The following ZFHX3 variants were observed in gnomAD, a reference collection of about 807,000 sequenced individuals.
ZFHX3 encodes the protein zinc finger homeobox 3, also known as zinc finger homeobox protein 3.
ZFHX3 carries 42 observed loss-of-function variants against 279.1 expected under a neutral mutation model. That is an observed-to-expected ratio of 0.15 (90% CI 0.12 to 0.19). The LOEUF (loss-of-function observed/expected upper bound fraction) is 0.19, where lower values mean the gene tolerates loss of function less well. ZFHX3 is among the 10% of genes least tolerant of loss of function. The pLI is 1.00. For synonymous variants in ZFHX3, 2,293 were observed against 1,957.8 expected (o/e 1.17, Z -4.52); for missense variants, 4,981 against 4,754.0 (o/e 1.05, Z -1.40).
At chr16:73,714,262 A>AT (rs950790853) in intron 1 of ZFHX3, among the ~76,000 whole-genome samples, 4 of 151,526 alleles carry the variant, frequency 2.6e-5, no homozygotes, top group Admixed American at 6.6e-5. Flanking sequence ...TAATAGGTCA[A>AT]TTTTTTTTTC....
At chr16:73,081,766 G>T (rs904143483) in intron 8 of ZFHX3, 6 of 151,300 alleles carry the variant, frequency 4.0e-5, no homozygotes, top group African/African-American at 1.5e-4. Context: ...CAGTGACGTT[G>T]TTCTGGATGT....
chr16:73,874,441 T>C (rs1597153693), intron 1 of ZFHX3, among the ~76,000 whole-genome samples: 1 of 152,138 alleles, frequency 6.6e-6, no homozygotes, highest in East Asian at 1.9e-4. Flanking sequence ...TCAGCACTAG[T>C]CATCATTTTT....
intron 2 of ZFHX3, among the ~76,000 whole-genome samples, chr16:73,535,347 C>A (rs773606709): frequency 1.3e-5 from 2 of 152,148 alleles, no homozygotes; most frequent in Non-Finnish European, 2.9e-5. Flanking sequence ...ACCTTCTCAT[C>A]AAAATTCTTA....
intron 1 of ZFHX3, among the ~76,000 whole-genome samples, chr16:73,726,144 T>C (rs916742833): frequency 2.0e-5 from 3 of 152,154 alleles, no homozygotes; most frequent in East Asian, 3.9e-4. Flanking sequence ...TCTTAACTTA[T>C]CCTTTGGGGT....
chr16:73,006,399 G>A (rs1963702605), intron 1 of ZFHX3, among the ~76,000 whole-genome samples: 1 of 152,066 alleles, frequency 6.6e-6, no homozygotes, highest in Non-Finnish European at 1.5e-5. Flanking sequence ...AACGCAGGAG[G>A]ATAACTTGAG....
chr16:73,022,266 C>A (rs185059121), intron 1 of ZFHX3, among the ~76,000 whole-genome samples: 1 of 152,290 alleles, frequency 6.6e-6, no homozygotes, highest in Non-Finnish European at 1.5e-5. Flanking sequence ...CCCAGGGAAG[C>A]CCCAAGGCTG....
chr16:72,963,707 CAT>C (rs1415857833), intron 1 of ZFHX3, among the ~76,000 whole-genome samples: 2 of 152,164 alleles, frequency 1.3e-5, no homozygotes, highest in Non-Finnish European at 2.9e-5. Context: ...TCTTTAAAAA[CAT>C]GTGCTGATGA....
chr16:73,089,225 T>G (rs921558916), intron 8 of ZFHX3, among the ~76,000 whole-genome samples: 6 of 152,196 alleles, frequency 3.9e-5, no homozygotes, highest in Admixed American at 6.5e-5. Context: ...TGCTTCAGCC[T>G]CCCGAGTAGC....
chr16:73,043,063 C>T (rs1196532950), intron 1 of ZFHX3, among the ~76,000 whole-genome samples: 2 of 151,962 alleles, frequency 1.3e-5, no homozygotes, highest in Non-Finnish European at 2.9e-5. Flanking sequence ...GGTGGGAGTG[C>T]GGCAGATGTT....
At chr16:73,163,592 G>A (rs1356608443) in intron 5 of ZFHX3, among the ~76,000 whole-genome samples, 1 of 152,212 alleles carries the variant, frequency 6.6e-6, no homozygotes, top group Non-Finnish European at 1.5e-5. Flanking sequence ...AAAGTCTGCT[G>A]ACTCTTGGAA....
At chr16:73,299,158 T>C (rs1006581974) in intron 4 of ZFHX3, among the ~76,000 whole-genome samples, 4 of 152,212 alleles carry the variant, frequency 2.6e-5, no homozygotes, top group Non-Finnish European at 5.9e-5. Flanking sequence ...CCTACTACAA[T>C]AGTCCTTAGA....
intron 5 of ZFHX3, chr16:73,256,950 G>A (rs551173775): frequency 2.2e-4 from 33 of 152,048 alleles, no homozygotes; most frequent in Non-Finnish European, 4.1e-4. Context: ...TTATAATGAT[G>A]TGGATAATTT....
intron 1 of ZFHX3, among the ~76,000 whole-genome samples, chr16:73,844,831 G>A (rs774335169): frequency 2.7e-5 from 4 of 149,370 alleles, no homozygotes; most frequent in South Asian, 2.1e-4. Context: ...GATGGTAGAC[G>A]GATGGATGGG....
At chr16:73,684,976 G>A (rs575913028) in intron 1 of ZFHX3, among the ~76,000 whole-genome samples, 69 of 151,574 alleles carry the variant, frequency 4.6e-4, no homozygotes, top group Non-Finnish European at 6.8e-4. Flanking sequence ...TGGGATTACA[G>A]GCGTGAGCCA....
chr16:73,678,043 G>A (rs1038605092), intron 2 of ZFHX3, among the ~76,000 whole-genome samples: 1 of 151,934 alleles, frequency 6.6e-6, no homozygotes, highest in Non-Finnish European at 1.5e-5. Flanking sequence ...AAATGCAAAA[G>A]TAAAGAAAAT....
intron 1 of ZFHX3, among the ~76,000 whole-genome samples, chr16:73,821,450 C>T (rs1224037194): frequency 6.6e-6 from 1 of 152,232 alleles, no homozygotes; most frequent in Non-Finnish European, 1.5e-5. Flanking sequence ...CTTAGCTATG[C>T]CTATGACCTG....
Position 72,878,546 on chromosome 16 carries a change from G to A in ZFHX3, c.3448+11185C>T, listed in dbSNP as rs555054807. ...CACTTCTCAGAGCAACCCGAGGCAC[G>A]CGCTCTGGAGTGTGCAGAGTCACAG... On this transcript the variant is annotated intron_variant, in intron 4 of 9. Coordinates refer to ENST00000268489, the MANE Select transcript of ZFHX3 (RefSeq NM_006885.4). Among the ~76,000 whole-genome samples, 66 of 152,348 alleles carry A rather than the reference G, an allele frequency of 4.3e-4. 2 individuals are homozygous for A. The South Asian group carries it at 9.3e-3, about 22-fold the overall frequency.
intron 2 of ZFHX3, among the ~76,000 whole-genome samples, chr16:73,596,222 T>C (rs1170220762): frequency 6.6e-6 from 1 of 151,932 alleles, no homozygotes; most frequent in Non-Finnish European, 1.5e-5. Context: ...GGGGTTTCAG[T>C]GTGTTAGCCA....
chr16:73,337,898 G>GGGT (rs1555510904), intron 3 of ZFHX3, among the ~76,000 whole-genome samples: 1 of 142,690 alleles, frequency 7.0e-6, no homozygotes, highest in Non-Finnish European at 1.6e-5. Flanking sequence ...TTGGCGGGGG[G>GGGT]GGGGGTCCTC....
Sources: allele counts gnomAD v4.1 joint callset (sites outside exome capture counted in the v4.1 genomes callset), GRCh38; gene constraint gnomAD v4.1.1; transcripts MANE v1.5; gene names NCBI Gene and HGNC (gene_info 2026-07-23, HGNC 2026-07-21).